ATP1B3: variants seen among roughly 807,000 people sequenced by gnomAD.
The protein encoded by ATP1B3 is sodium/potassium-transporting ATPase subunit beta-3.
Under a neutral mutation model 30.2 loss-of-function variants are expected in ATP1B3, and 10 were observed. That is an observed-to-expected ratio of 0.33 (90% CI 0.20 to 0.56). The LOEUF is 0.56. ATP1B3 is among the 20% of genes least tolerant of loss of function. The probability of loss-of-function intolerance (pLI) is 0.90; values close to 1 mark genes in which losing one functional copy is unlikely to be tolerated. For missense variants in ATP1B3, 238 were observed against 336.7 expected (o/e 0.71, Z 2.29); for synonymous variants, 113 against 117.0 (o/e 0.97, Z 0.22).
At chr3:141,887,441 C>A (rs115621855) in intron 1 of ATP1B3, among the ~76,000 whole-genome samples, 1 of 152,112 alleles carries the variant, frequency 6.6e-6, no homozygotes, top group South Asian at 2.1e-4. Flanking sequence ...GGGTAACCCC[C>A]GTTAAGTGTG....
intron 1 of ATP1B3, among the ~76,000 whole-genome samples, chr3:141,887,228 C>T (rs753426804): frequency 6.6e-6 from 1 of 152,206 alleles, no homozygotes; most frequent in Admixed American, 6.5e-5. Flanking sequence ...ATTTTATTTA[C>T]AAAAATAGCA....
chr3:141,920,343 A>G (rs1934544812), intron 5 of ATP1B3, among the ~76,000 whole-genome samples: 1 of 152,140 alleles, frequency 6.6e-6, no homozygotes, highest in Non-Finnish European at 1.5e-5. Flanking sequence ...CCTGGCCAAC[A>G]TGACAAAACT....
intron 1 of ATP1B3, among the ~76,000 whole-genome samples, chr3:141,881,110 G>A (rs1933715456): frequency 6.6e-6 from 1 of 151,800 alleles, no homozygotes; most frequent in Non-Finnish European, 1.5e-5. Flanking sequence ...GGCTGAGGCA[G>A]GAGAATTGCT....
At chr3:141,900,583 GA>G (rs1422391997) in intron 1 of ATP1B3, among the ~76,000 whole-genome samples, 2 of 152,184 alleles carry the variant, frequency 1.3e-5, no homozygotes, top group Non-Finnish European at 2.9e-5. Flanking sequence ...TAGTTGGTCA[GA>G]AGTGTGGGTA....
At chr3:141,891,982 TAG>T (rs1314543149) in intron 1 of ATP1B3, among the ~76,000 whole-genome samples, 1 of 152,078 alleles carries the variant, frequency 6.6e-6, no homozygotes, top group Non-Finnish European at 1.5e-5. Flanking sequence ...TCCAAGTTTG[TAG>T]AGAGTACATT....
chr3:141,925,763 G>C lies in ATP1B3; in HGVS notation c.*62G>C. The C allele has an allele frequency of 6.4e-7, 1 of 1,551,492 alleles. No homozygotes were observed. The highest frequency in any genetic ancestry group is 1.2e-5 in the South Asian group (1 of 80,306). On this transcript the variant is annotated 3_prime_UTR_variant, in exon 7 of 7. Coordinates refer to ENST00000286371, the MANE Select transcript of ATP1B3 (RefSeq NM_001679.4). Reference sequence around the variant, plus strand: ...TGTCTGTCTTCATTTTGTAACAGCTGGACCTTCCATTCTAGAATTATGAGA... The same window carrying C: ...TGTCTGTCTTCATTTTGTAACAGCTCGACCTTCCATTCTAGAATTATGAGA...
chr3:141,892,927 T>A (rs1189067430), intron 1 of ATP1B3, among the ~76,000 whole-genome samples: 1 of 152,176 alleles, frequency 6.6e-6, no homozygotes, highest in Non-Finnish European at 1.5e-5. Context: ...TCCTCAGAAT[T>A]GATAAGGAAA....
At chr3:141,894,386 G>A (rs1934019489) in intron 1 of ATP1B3, among the ~76,000 whole-genome samples, 1 of 151,768 alleles carries the variant, frequency 6.6e-6, no homozygotes, top group Non-Finnish European at 1.5e-5. Context: ...TCGAACTCCT[G>A]GCTTCAAGCA....
At chr3:141,885,729 T>C (rs1042817764) in intron 1 of ATP1B3, among the ~76,000 whole-genome samples, 2 of 152,174 alleles carry the variant, frequency 1.3e-5, no homozygotes, top group Non-Finnish European at 2.9e-5. Flanking sequence ...ATTACAGATG[T>C]GAGCCACTGT....
intron 1 of ATP1B3, among the ~76,000 whole-genome samples, chr3:141,879,076 G>T (rs1933663881): frequency 6.6e-6 from 1 of 152,140 alleles, no homozygotes; most frequent in African/African-American, 2.4e-5. Context: ...GACTGTATGG[G>T]CTTGCTGCCA....
At chr3:141,888,542 T>G (rs1182341638) in intron 1 of ATP1B3, among the ~76,000 whole-genome samples, 1 of 152,176 alleles carries the variant, frequency 6.6e-6, no homozygotes, top group Non-Finnish European at 1.5e-5. Flanking sequence ...TCGTCTATTT[T>G]CACACTGCTA....
intron 1 of ATP1B3, among the ~76,000 whole-genome samples, chr3:141,882,821 G>A (rs1350857058): frequency 6.6e-6 from 1 of 152,120 alleles, no homozygotes; most frequent in African/African-American, 2.4e-5. Context: ...CCTGACCTCA[G>A]GTGATCCACA....
chr3:141,883,783 G>A (rs893668010), intron 1 of ATP1B3, among the ~76,000 whole-genome samples: 18 of 152,150 alleles, frequency 1.2e-4, no homozygotes, highest in African/African-American at 4.1e-4. Flanking sequence ...CGGTATTGGT[G>A]TACCCATAGT....
rs76494467 is a variant in ATP1B3, at chr3:141,911,135, A to G, written c.347-2517A>G. 6.2e-3 allele frequency among the ~76,000 whole-genome samples: 937 copies of G among 152,104 alleles called. 9 individuals carry two copies. Among genetic ancestry groups the G allele is most frequent in the Non-Finnish European group, 8.3e-3 (566 of 67,998 alleles). On this transcript the variant is annotated intron_variant, in intron 3 of 6. Transcript: ENST00000286371. ...TTAAGTTCTTCAGTTCAGGGGAATTATCCTCTGTTACCACTTTGATAATTT... is the reference window on the plus strand; with the variant it reads ...TTAAGTTCTTCAGTTCAGGGGAATTGTCCTCTGTTACCACTTTGATAATTT...
In ATP1B3 at chr3:141,920,584, C is replaced by CA. The variant is rs200896541; in HGVS notation, c.583-1385dup. Among the ~76,000 whole-genome samples, 483 of 151,726 alleles carry CA rather than the reference C, an allele frequency of 3.2e-3. 2 individuals carry two copies. The highest frequency in any genetic ancestry group is 4.5e-3 in the Non-Finnish European group (307 of 67,876). On this transcript the variant is annotated intron_variant, in intron 5 of 6. Coordinates refer to ENST00000286371, the MANE Select transcript of ATP1B3 (RefSeq NM_001679.4). Reference sequence around the variant, plus strand: ...CCAAGATACTCAGTAAACTGTTTCTCAAAAAAAATCCTTTTTTTCATTTTG... The same window carrying CA: ...CCAAGATACTCAGTAAACTGTTTCTCAAAAAAAAATCCTTTTTTTCATTTTG...
chr3:141,903,462 A>G (rs765689223), intron 1 of ATP1B3, among the ~76,000 whole-genome samples, 158 bp from the exon 2 acceptor site: 1 of 152,144 alleles, frequency 6.6e-6, no homozygotes, highest in Non-Finnish European at 1.5e-5. Context: ...GCTTGGGCAA[A>G]TTTATGTGTC....
chr3:141,888,347 A>G (rs1933875631), intron 1 of ATP1B3, among the ~76,000 whole-genome samples: 2 of 152,284 alleles, frequency 1.3e-5, no homozygotes, highest in Admixed American at 6.5e-5. Context: ...TTTCAGCACC[A>G]TTTTTATATA....
chr3:141,914,012 A>T (rs1346802443), intron 4 of ATP1B3, among the ~76,000 whole-genome samples, 176 bp downstream of exon 4: 1 of 150,494 alleles, frequency 6.6e-6, no homozygotes, highest in Non-Finnish European at 1.5e-5. Flanking sequence ...AAGAAAGTTT[A>T]TATGGCAAAA....
intron 1 of ATP1B3, among the ~76,000 whole-genome samples, chr3:141,896,687 A>G (rs1382533882): frequency 6.6e-6 from 1 of 151,708 alleles, no homozygotes; most frequent in Non-Finnish European, 1.5e-5. Flanking sequence ...ATTCTTCTTC[A>G]GTTAAGCTTT....
Sources: allele counts gnomAD v4.1 joint callset (sites outside exome capture counted in the v4.1 genomes callset), GRCh38; gene constraint gnomAD v4.1.1; transcripts MANE v1.5; gene names NCBI Gene and HGNC (gene_info 2026-07-23, HGNC 2026-07-21).